HECTD4: variants seen among roughly 807,000 people sequenced by gnomAD.
HECTD4 encodes the protein probable E3 ubiquitin-protein ligase HECTD4.
A neutral mutation model predicts 471.5 loss-of-function variants in HECTD4; 114 were observed. The observed-to-expected ratio is 0.24, with a 90% CI of 0.21 to 0.28. The LOEUF (loss-of-function observed/expected upper bound fraction) is 0.28. HECTD4 is among the 10% of genes least tolerant of loss of function. The probability of loss-of-function intolerance (pLI) is 1.00; values close to 1 mark genes in which losing one functional copy is unlikely to be tolerated. For synonymous variants in HECTD4, 2,012 were observed against 2,256.0 expected (o/e 0.89, Z 3.07); for missense variants, 3,866 against 5,651.5 (o/e 0.68, Z 10.13).
chr12:112,320,598 C>A (rs2035565812), intron 1 of HECTD4, among the ~76,000 whole-genome samples: 1 of 151,578 alleles, frequency 6.6e-6, no homozygotes, highest in Non-Finnish European at 1.5e-5. Flanking sequence ...CTACTCAGGA[C>A]CCTGAGGCAG....
chr12:112,274,830 G>A lies in HECTD4; in HGVS notation c.1801+17C>T. The stretch of plus-strand genomic sequence containing the variant: ...AACTTGAAATTTTCCAAAGATATGT[G>A]CAAGTTTATTTCTTACCCAATCCTG... On this transcript the variant is annotated intron_variant, in intron 10 of 75. Coordinates refer to ENST00000682272, the MANE Select transcript of HECTD4 (RefSeq NM_001388303.1). 1 of 1,464,178 alleles carries A rather than the reference G, an allele frequency of 6.8e-7. No individual in the cohort carries two copies. The highest frequency in any genetic ancestry group is 9.4e-7 in the Non-Finnish European group (1 of 1,068,916). 90.7% of individuals were successfully genotyped at this position (1,464,178 alleles called of 1,614,324 possible). A position where few individuals can be genotyped will look rare whatever the true frequency, so the allele number is the denominator to read the frequency against.
rs577059301 is a variant in HECTD4 at position 112,166,104 on chromosome 12, T to C, written c.12534+1213A>G. On this transcript the variant is annotated intron_variant, in intron 72 of 75. Transcript: ENST00000682272. This position sits in a 1 kb window ranked among gnomAD's most constrained non-coding sequence, Gnocchi z 4.6. ...CTGGCCTGTCTACCGGGACCCCGCC[T>C]CACATCCCCTGCTGCCCCAGCCTGT... is the stretch of plus-strand genomic sequence containing the variant. 2 of 152,802 alleles carry C rather than the reference T, an allele frequency of 1.3e-5. No homozygotes were observed. The highest frequency in any genetic ancestry group is 4.8e-5 in the African/African-American group (2 of 41,562). The allele number at this position is 152,802 out of a possible 1,614,324, so 9.5% of individuals were successfully genotyped here.
At chr12:112,221,905 C>T (rs576062301) in intron 44 of HECTD4, among the ~76,000 whole-genome samples, 75 of 151,534 alleles carry the variant, frequency 4.9e-4, no homozygotes, top group African/African-American at 1.7e-3. Context: ...CAGGCACTCG[C>T]CCCCATGCTC....
chr12:112,164,591 T>C (rs948402646), intron 72 of HECTD4, among the ~76,000 whole-genome samples: 4 of 151,256 alleles, frequency 2.6e-5, no homozygotes, highest in Non-Finnish European at 5.9e-5. Context: ...GCCCGTGCGC[T>C]GGGAGAGACT....
intron 1 of HECTD4, among the ~76,000 whole-genome samples, chr12:112,368,597 C>CA (rs1227654159): frequency 6.6e-6 from 1 of 152,070 alleles, no homozygotes; most frequent in Non-Finnish European, 1.5e-5. Flanking sequence ...AAATCTTATT[C>CA]AAAATGTTCC....
At chr12:112,272,448 G>A (rs369461411) in intron 11 of HECTD4, among the ~76,000 whole-genome samples, 6 of 152,268 alleles carry the variant, frequency 3.9e-5, no homozygotes, top group Admixed American at 3.9e-4. Context: ...AATGATTGTG[G>A]TCAAACACCT....
Position 112,193,694 on chromosome 12 carries a change from A to C in HECTD4, c.8750-20T>G. 4 of 1,598,494 alleles carry C rather than the reference A, an allele frequency of 2.5e-6. No homozygotes were observed. Among genetic ancestry groups the C allele is most frequent in the Non-Finnish European group, 3.4e-6 (4 of 1,172,194 alleles). ...TGCCGTCTGGGGACGGAAAGGAAACAGAAGTTGACAAGAATCAAAGCAGCC... is the reference window on the plus strand; with the variant it reads ...TGCCGTCTGGGGACGGAAAGGAAACCGAAGTTGACAAGAATCAAAGCAGCC... On this transcript the variant is annotated intron_variant, in intron 56 of 75. Transcript: ENST00000682272. The surrounding 1 kb of genome is among the most constrained non-coding windows in gnomAD (Gnocchi z 5.2).
At chr12:112,165,357 T>A (rs975193837) in intron 72 of HECTD4, among the ~76,000 whole-genome samples, 4 of 149,750 alleles carry the variant, frequency 2.7e-5, no homozygotes, top group African/African-American at 9.9e-5. Context: ...TAATTTTTTT[T>A]TTTTTTTTTT....
chr12:112,233,532 T>C (rs1016016767), intron 37 of HECTD4, among the ~76,000 whole-genome samples: 4 of 152,166 alleles, frequency 2.6e-5, no homozygotes, highest in East Asian at 1.9e-4. Context: ...CCTCTAACAC[T>C]AGCTTTTAAA....
chr12:112,201,888 GC>G (rs1173982437), intron 54 of HECTD4, among the ~76,000 whole-genome samples: 3 of 152,140 alleles, frequency 2.0e-5, no homozygotes, highest in Admixed American at 2.0e-4. Context: ...TATTTTGGAT[GC>G]AAATACCAAT....
In HECTD4 at chr12:112,213,722, T is replaced by A. The variant is rs10774650; in HGVS notation, c.7466-1072A>T. On this transcript the variant is annotated intron_variant, in intron 48 of 75. Transcript: ENST00000682272. The surrounding 1 kb of genome is among the most constrained non-coding windows in gnomAD (Gnocchi z 4.0). Reference sequence around the variant, plus strand: ...TACATATATATATATATATATATAATATATATATAAAATTTAAGGCCAGAC... The same window carrying A: ...TACATATATATATATATATATATAAAATATATATAAAATTTAAGGCCAGAC... Among the ~76,000 whole-genome samples the A allele has an allele frequency of 0.86, 115,668 of 134,956 alleles. 48,398 individuals are homozygous for A. Among genetic ancestry groups the A allele is most frequent in the Non-Finnish European group, 0.91 (59,716 of 65,816 alleles). The allele number at this position is 134,956 out of a possible 152,430, so 88.5% of individuals were successfully genotyped here.
intron 17 of HECTD4, among the ~76,000 whole-genome samples, chr12:112,263,722 T>TACACAC (rs1221410235): frequency 6.8e-6 from 1 of 148,098 alleles, no homozygotes; most frequent in Non-Finnish European, 1.5e-5. Context: ...TATATATATA[T>TACACAC]ATACACACAC....
intron 1 of HECTD4, among the ~76,000 whole-genome samples, chr12:112,350,533 A>G (rs2036232687): frequency 6.6e-6 from 1 of 152,214 alleles, no homozygotes; most frequent in Admixed American, 6.5e-5. Context: ...GATATGTACT[A>G]ACGCTACACA....
At chr12:112,236,706 TA>T (rs1366236860) in intron 35 of HECTD4, among the ~76,000 whole-genome samples, 4 of 152,338 alleles carry the variant, frequency 2.6e-5, no homozygotes, top group Admixed American at 2.0e-4. Context: ...AGTAAGGTAT[TA>T]AAGCAAATGA....
intron 35 of HECTD4, 105 bp downstream of exon 35, chr12:112,236,840 C>G: frequency 9.4e-7 from 1 of 1,063,006 alleles, no homozygotes; most frequent in Non-Finnish European, 1.3e-6. Flanking sequence ...TCAAAATGGC[C>G]TAGTAATTTA....
chr12:112,319,795 T>C lies in HECTD4; in HGVS notation c.178-53A>G. The C allele has an allele frequency of 3.3e-6, 4 of 1,196,574 alleles. No homozygotes were observed. The highest frequency in any genetic ancestry group is 3.1e-6 in the Non-Finnish European group (3 of 953,324). The allele number at this position is 1,196,574 out of a possible 1,614,324, so 74.1% of individuals were successfully genotyped here. On this transcript the variant is annotated intron_variant, in intron 1 of 75. Coordinates refer to ENST00000682272, the MANE Select transcript of HECTD4 (RefSeq NM_001388303.1). The surrounding 1 kb of genome is among the most constrained non-coding windows in gnomAD (Gnocchi z 5.3). The stretch of plus-strand genomic sequence containing the variant: ...GTAAATATTACTTTCACCAAAGTCA[T>C]CTAAGGAAGAAAATATGTTTAATGA...
chr12:112,213,257 G>C lies in HECTD4; in HGVS notation c.7466-607C>G, dbSNP rs1408336587. 6.6e-6 allele frequency among the ~76,000 whole-genome samples: 1 copy of C among 152,030 alleles called. No homozygotes were observed. The highest frequency in any genetic ancestry group is 1.5e-5 in the Non-Finnish European group (1 of 68,002). Reference sequence around the variant, plus strand: ...TTTTCCTGGCAGGCAAGAAAAAAATGAAAAACACTAGGTACTATTTTTAAA... The same window carrying C: ...TTTTCCTGGCAGGCAAGAAAAAAATCAAAAACACTAGGTACTATTTTTAAA... On this transcript the variant is annotated intron_variant, in intron 48 of 75. Transcript: ENST00000682272. This position sits in a 1 kb window ranked among gnomAD's most constrained non-coding sequence, Gnocchi z 4.0.
At chr12:112,298,697 A>G (rs2035096468) in intron 7 of HECTD4, among the ~76,000 whole-genome samples, 1 of 151,788 alleles carries the variant, frequency 6.6e-6, no homozygotes, top group Non-Finnish European at 1.5e-5. Context: ...AGCCTGGCCA[A>G]CACGGTGAAA....
At chr12:112,196,233 T>C (rs543992414) in intron 55 of HECTD4, among the ~76,000 whole-genome samples, 1 of 152,322 alleles carries the variant, frequency 6.6e-6, no homozygotes, top group East Asian at 1.9e-4. Context: ...TGCTGGTGTA[T>C]CATAATTCAA....
Sources: gnomAD v4.1 joint callset for allele counts (sites outside exome capture counted in the v4.1 genomes callset) on GRCh38, gnomAD v4.1.1 for gene constraint, Gnocchi (gnomAD v3.1) non-coding constraint, MANE v1.5 for transcripts, NCBI Gene and HGNC (gene_info 2026-07-23, HGNC 2026-07-21) for gene names.